The following NOS1 variants were observed in gnomAD, a reference collection of about 807,000 sequenced individuals.
NOS1 encodes the protein nitric oxide synthase 1, also known as NOS type I.
A neutral mutation model predicts 164.5 loss-of-function variants in NOS1; 51 were observed. The observed-to-expected ratio is 0.31, with a 90% confidence interval of 0.25 to 0.39. NOS1 has a LOEUF of 0.39. Ranked by LOEUF, NOS1 falls within the 10% of genes least tolerant of loss-of-function variation. NOS1 has a pLI of 1.00. For synonymous variants in NOS1, 719 were observed against 745.8 expected (o/e 0.96, Z 0.59); for missense variants, 1,362 against 1,885.6 (o/e 0.72, Z 5.14).
chr12:117,226,814 A>T (rs899884083), intron 23 of NOS1, 44 bp from the exon 24 acceptor site: 5 of 1,500,596 alleles, frequency 3.3e-6, no homozygotes, highest in Non-Finnish European at 4.6e-6. Flanking sequence ...ACTGCTCCCG[A>T]GCACGGCCTC....
intron 9 of NOS1, among the ~76,000 whole-genome samples, chr12:117,275,426 T>C (rs1331552213): frequency 6.6e-6 from 1 of 151,980 alleles, no homozygotes; most frequent in East Asian, 1.9e-4. Context: ...ATATTCTCAC[T>C]CATAGGTAGA....
Position 117,210,359 on chromosome 12 carries a change from A to C in NOS1, c.*4950T>G, listed in dbSNP as rs886673452. ...GCCAGAGAGTATGAATGGGTTATAA[A>C]GGAAGACTAGTTAGTGTTTCTCTCT... On this transcript the variant is annotated 3_prime_UTR_variant, in exon 29 of 29. Transcript: ENST00000317775. 2.0e-6 allele frequency: 2 copies of C among 985,224 alleles called. No individual in the cohort carries two copies. Among genetic ancestry groups the C allele is most frequent in the African/African-American group, 3.5e-5 (2 of 57,206 alleles). 61.0% of individuals were successfully genotyped at this position (985,224 alleles called of 1,614,324 possible).
chr12:117,222,598 A>C, intron 26 of NOS1, 117 bp downstream of exon 26: 1 of 976,874 alleles, frequency 1.0e-6, no homozygotes. Flanking sequence ...GTACAGAGCA[A>C]CTTCATAGAG....
chr12:117,222,000 C>T (rs1305910237), intron 26 of NOS1, among the ~76,000 whole-genome samples: 1 of 151,824 alleles, frequency 6.6e-6, no homozygotes, highest in African/African-American at 2.4e-5. Flanking sequence ...GTAACATTTA[C>T]CGTCGTAACC....
chr12:117,214,489 G>C lies in NOS1; in HGVS notation c.*820C>G, dbSNP rs2135913570. On this transcript the variant is annotated 3_prime_UTR_variant, in exon 29 of 29. Coordinates refer to ENST00000317775, the MANE Select transcript of NOS1 (RefSeq NM_000620.5). ...GCTGGTATGGGTGGGTTTGGGGAGG[G>C]GATTTGCACAATCCATTGGATGGGT... 1.0e-6 allele frequency: 1 copy of C among 985,226 alleles called. No homozygotes were observed. Among genetic ancestry groups the C allele is most frequent in the Non-Finnish European group, 1.2e-6 (1 of 829,906 alleles). The allele number at this position is 985,226 out of a possible 1,614,324, so 61.0% of individuals were successfully genotyped here. A position where few individuals can be genotyped will look rare whatever the true frequency, so the allele number is the denominator to read the frequency against.
chr12:117,284,491 A>G (rs2136016870), intron 7 of NOS1, among the ~76,000 whole-genome samples: 1 of 152,268 alleles, frequency 6.6e-6, no homozygotes, highest in Admixed American at 6.5e-5. Flanking sequence ...AGCAGTTCCC[A>G]TTGTATCAGC....
At chr12:117,262,311 T>C (rs9658409) in intron 13 of NOS1, among the ~76,000 whole-genome samples, 3,670 of 151,982 alleles carry the variant, frequency 0.024, 138 homozygotes, top group African/African-American at 0.083. Context: ...AAGCCAACAA[T>C]TGCCCTCCCT....
At position 117,311,344 on chromosome 12, in the gene NOS1, C is replaced by T. The variant is rs956412052; in HGVS notation, c.852+122G>A. The T allele has an allele frequency of 4.6e-5, 55 of 1,203,454 alleles. No individual in the cohort carries two copies. In the East Asian group the frequency reaches 5.9e-4, roughly 13 times the overall value. The allele number at this position is 1,203,454 out of a possible 1,614,324, so 74.5% of individuals were successfully genotyped here. A position where few individuals can be genotyped will look rare whatever the true frequency, so the allele number is the denominator to read the frequency against. Reference sequence around the variant, plus strand: ...CTCGGCCTCCCAAGCTCTCCAGCCACGGCGGCTGATTTCCATCATGACACA... The same window carrying T: ...CTCGGCCTCCCAAGCTCTCCAGCCATGGCGGCTGATTTCCATCATGACACA... On this transcript the variant is annotated intron_variant, in intron 3 of 28. Transcript: ENST00000317775.
At chr12:117,316,337 CT>C (rs1874665690) in intron 2 of NOS1, among the ~76,000 whole-genome samples, 1 of 152,118 alleles carries the variant, frequency 6.6e-6, no homozygotes. Flanking sequence ...CTCTACTACC[CT>C]TCCAGACTCC....
intron 17 of NOS1, among the ~76,000 whole-genome samples, chr12:117,250,736 A>G (rs1871034168): frequency 6.6e-6 from 1 of 152,052 alleles, no homozygotes; most frequent in African/African-American, 2.4e-5. Flanking sequence ...GTGTGGACTG[A>G]CTGGAGGGGT....
rs1414549320 is a variant in NOS1, at chr12:117,280,743, G to A, written c.1506C>T (p.Ala502=). 1.2e-6 allele frequency: 2 copies of A among 1,614,160 alleles called. No individual in the cohort carries two copies. The highest frequency in any genetic ancestry group is 1.7e-6 in the Non-Finnish European group (2 of 1,180,026). The change falls in exon 8 of 29, where the codon GCC becomes GCT. Residue 502 remains alanine (A), a synonymous_variant. Coordinates refer to ENST00000317775, the MANE Select transcript of NOS1 (RefSeq NM_000620.5). Reference sequence around the variant, plus strand: ...CTCGCACCTCTGTGAACTGCACATTGGCTGGGTCCCCCAGGGTGGAGCCGT... The same window carrying A: ...CTCGCACCTCTGTGAACTGCACATTAGCTGGGTCCCCCAGGGTGGAGCCGT... ...QPDGSTLGDP[A]NVQFTEICIQ... is the part of the protein sequence containing the mutation.
At chr12:117,303,156 C>T (rs1301563701) in intron 3 of NOS1, among the ~76,000 whole-genome samples, 1 of 152,128 alleles carries the variant, frequency 6.6e-6, no homozygotes, top group Non-Finnish European at 1.5e-5. Flanking sequence ...ACTGGTTTGC[C>T]TTCATTCAGA....
intron 21 of NOS1, among the ~76,000 whole-genome samples, chr12:117,233,418 G>A (rs1250658441): frequency 2.0e-5 from 3 of 151,658 alleles, no homozygotes; most frequent in African/African-American, 4.8e-5. Flanking sequence ...GGCTGGTCTC[G>A]AACTCCTGGG....
In NOS1 at chr12:117,211,304, T is replaced by C; in HGVS notation, c.*4005A>G. 2.0e-6 allele frequency: 2 copies of C among 985,326 alleles called. No homozygotes were observed. Among genetic ancestry groups the C allele is most frequent in the Middle Eastern group, 5.2e-4 (1 of 1,914 alleles). 61.0% of individuals were successfully genotyped at this position (985,326 alleles called of 1,614,324 possible). A position where few individuals can be genotyped will look rare whatever the true frequency, so the allele number is the denominator to read the frequency against. On this transcript the variant is annotated 3_prime_UTR_variant, in exon 29 of 29. Transcript: ENST00000317775. ...CTTTATTCTCACCCTCTACAATGGA[T>C]GGGGTGCCAGGTACGCTGATTCAGT...
At chr12:117,281,429 A>C (rs1251536052) in intron 7 of NOS1, among the ~76,000 whole-genome samples, 1 of 149,146 alleles carries the variant, frequency 6.7e-6, no homozygotes, top group Non-Finnish European at 1.5e-5. Flanking sequence ...CTGAGGCAGA[A>C]GAATCGCTTG....
At chr12:117,359,849 C>A (rs1877032056) in intron 1 of NOS1, among the ~76,000 whole-genome samples, 1 of 127,344 alleles carries the variant, frequency 7.9e-6, no homozygotes, top group Admixed American at 8.3e-5. Flanking sequence ...CTCCCAGATC[C>A]GGTCCCAGAG....
chr12:117,289,707 G>A (rs1018795823), intron 4 of NOS1, among the ~76,000 whole-genome samples: 2 of 152,166 alleles, frequency 1.3e-5, no homozygotes, highest in African/African-American at 4.8e-5. Flanking sequence ...GGTTTAGGGT[G>A]GTAGAGCTTA....
At chr12:117,352,633 G>A (rs1158611626) in intron 1 of NOS1, among the ~76,000 whole-genome samples, 3 of 152,096 alleles carry the variant, frequency 2.0e-5, no homozygotes, top group African/African-American at 7.2e-5. Context: ...AAATGCTGAG[G>A]GAAAAATGTA....
rs190039386 is a variant in NOS1, at chr12:117,236,030, G to A, written c.3042-1272C>T. Among the ~76,000 whole-genome samples, 235 of 152,160 alleles carry A rather than the reference G, an allele frequency of 1.5e-3. 2 individuals are homozygous for A. Among genetic ancestry groups the A allele is most frequent in the Non-Finnish European group, 3.2e-4 (22 of 68,004 alleles). On this transcript the variant is annotated intron_variant, in intron 20 of 28. Coordinates refer to ENST00000317775, the MANE Select transcript of NOS1 (RefSeq NM_000620.5). ...TGCATTCCAGCCTGGGCAACAGAGCGAAACTACATCCTCCCACCCCAACCC... is the reference window on the plus strand; with the variant it reads ...TGCATTCCAGCCTGGGCAACAGAGCAAAACTACATCCTCCCACCCCAACCC...
Sources: allele counts gnomAD v4.1 joint callset (sites outside exome capture counted in the v4.1 genomes callset), GRCh38; gene constraint gnomAD v4.1.1; transcripts MANE v1.5; gene names NCBI Gene and HGNC (gene_info 2026-07-23, HGNC 2026-07-21).